AFG1L: variants seen among roughly 807,000 people sequenced by gnomAD.
AFG1L encodes AFG1 like ATPase.
In AFG1L, 53 loss-of-function variants were observed where a neutral mutation model predicts 62.2. The observed-to-expected ratio is 0.85, with a 90% CI of 0.68 to 1.07. The LOEUF (loss-of-function observed/expected upper bound fraction) is 1.07, where lower values mean the gene tolerates loss of function less well. Among genes scored for constraint, AFG1L ranks in the 50% least tolerant of loss-of-function variants. The pLI is 0.00. For missense variants in AFG1L, 555 were observed against 590.5 expected, an observed-to-expected ratio of 0.94 and a Z score of 0.62; for synonymous variants, 228 against 210.3, an observed-to-expected ratio of 1.08 and a Z score of -0.73.
chr6:108,443,948 A>G (rs889130814), intron 7 of AFG1L, among the ~76,000 whole-genome samples: 1 of 152,114 alleles, frequency 6.6e-6, no homozygotes, highest in African/African-American at 2.4e-5. Flanking sequence ...ATGAATTGCC[A>G]TTAAGACAAT....
intron 7 of AFG1L, among the ~76,000 whole-genome samples, chr6:108,420,423 AATATATTTAATATTAAATATATTAAAAC>A (rs1770536962): frequency 6.8e-6 from 1 of 148,132 alleles, no homozygotes; most frequent in Non-Finnish European, 1.5e-5. Flanking sequence ...AAAAAATAAA[AATATATTTAATATTAAATATATTAAAAC>A]ATATATTCCA....
intron 6 of AFG1L, among the ~76,000 whole-genome samples, chr6:108,392,596 G>A (rs1781106120): frequency 6.6e-6 from 1 of 152,052 alleles, no homozygotes; most frequent in South Asian, 2.1e-4. Context: ...ACTATCAAAT[G>A]GGAACATTTA....
chr6:108,374,881 G>A (rs1311836143), intron 6 of AFG1L, among the ~76,000 whole-genome samples: 2 of 152,156 alleles, frequency 1.3e-5, no homozygotes, highest in Non-Finnish European at 2.9e-5. Flanking sequence ...GACATTGGTA[G>A]TTTGATAGGA....
At chr6:108,495,162 T>C (rs1346919215) in intron 10 of AFG1L, among the ~76,000 whole-genome samples, 1 of 152,232 alleles carries the variant, frequency 6.6e-6, no homozygotes, top group Non-Finnish European at 1.5e-5. Flanking sequence ...TTTCAGTTTG[T>C]TTTGAAAAGG....
Position 108,436,041 on chromosome 6 carries a change from T to A in AFG1L, c.808-11173T>A, listed in dbSNP as rs565432736. Among the ~76,000 whole-genome samples the A allele has an allele frequency of 8.5e-5, 13 of 152,358 alleles. 1 individual carries two copies. The South Asian group carries it at 2.7e-3, about 32-fold the overall frequency. The stretch of plus-strand genomic sequence containing the variant: ...CAGGCTTGAAACCCAAATCTGTCTC[T>A]ACAATCTCATTCAGTATAGAAAAAT... On this transcript the variant is annotated intron_variant, in intron 7 of 12. Transcript: ENST00000368977.
intron 6 of AFG1L, among the ~76,000 whole-genome samples, chr6:108,373,294 GT>G (rs1780094503): frequency 6.6e-6 from 1 of 152,042 alleles, no homozygotes; most frequent in Admixed American, 6.6e-5. Context: ...GTGGTATATG[GT>G]TTTTTTGTTC....
At position 108,333,849 on chromosome 6, in the gene AFG1L, T is replaced by A. The variant is rs569615537; in HGVS notation, c.363+9801T>A. ...TATACTTAATGCTTTATTACTTAAATTTGAAATAAATGTCAACATAGAAAG... is the reference window on the plus strand; with the variant it reads ...TATACTTAATGCTTTATTACTTAAAATTGAAATAAATGTCAACATAGAAAG... On this transcript the variant is annotated intron_variant, in intron 2 of 12. Coordinates refer to ENST00000368977, the MANE Select transcript of AFG1L (RefSeq NM_145315.5). 1.4e-4 allele frequency among the ~76,000 whole-genome samples: 22 copies of A among 152,284 alleles called. No homozygotes were observed. In the South Asian group the frequency reaches 3.1e-3, roughly 22 times the overall value.
chr6:108,425,130 G>A (rs1770755409), intron 7 of AFG1L, among the ~76,000 whole-genome samples: 3 of 152,132 alleles, frequency 2.0e-5, no homozygotes, highest in Admixed American at 6.6e-5. Context: ...AACTCTTTTT[G>A]AGGGTGGGCA....
chr6:108,478,343 A>AG (rs1458038675), intron 10 of AFG1L, among the ~76,000 whole-genome samples: 3 of 152,346 alleles, frequency 2.0e-5, no homozygotes, highest in African/African-American at 7.2e-5. Context: ...AGGCTGAGGC[A>AG]GGAGAATGGC....
At chr6:108,459,141 C>T (rs779068074) in intron 8 of AFG1L, among the ~76,000 whole-genome samples, 5 of 152,148 alleles carry the variant, frequency 3.3e-5, no homozygotes, top group East Asian at 1.9e-4. Flanking sequence ...CCCACCTGCC[C>T]GTTTCAAGTA....
chr6:108,390,136 A>G (rs1206812728), intron 6 of AFG1L, among the ~76,000 whole-genome samples: 1 of 152,118 alleles, frequency 6.6e-6, no homozygotes, highest in Non-Finnish European at 1.5e-5. Flanking sequence ...CATCACTGAT[A>G]TCCTTTCTTC....
intron 7 of AFG1L, among the ~76,000 whole-genome samples, chr6:108,430,975 G>A (rs956630308): frequency 1.2e-4 from 19 of 152,096 alleles, no homozygotes; most frequent in Admixed American, 5.2e-4. Context: ...TTACTTGCTC[G>A]GCATCCTGGC....
intron 5 of AFG1L, among the ~76,000 whole-genome samples, chr6:108,365,334 G>A (rs1779711228): frequency 6.6e-6 from 1 of 152,066 alleles, no homozygotes. Flanking sequence ...ACATCATTAA[G>A]CTTACTTCGT....
chr6:108,500,982 T>G (rs770732074), intron 10 of AFG1L, among the ~76,000 whole-genome samples: 2 of 152,180 alleles, frequency 1.3e-5, no homozygotes, highest in Non-Finnish European at 2.9e-5. Flanking sequence ...GCATGTTTTT[T>G]GCCCACTTTG....
chr6:108,382,411 C>T (rs1315492227), intron 6 of AFG1L, among the ~76,000 whole-genome samples: 2 of 152,128 alleles, frequency 1.3e-5, no homozygotes, highest in African/African-American at 4.8e-5. Context: ...CTCAGACCAG[C>T]ATATTCATAC....
chr6:108,489,095 A>G (rs1282617179), intron 10 of AFG1L, among the ~76,000 whole-genome samples: 1 of 152,220 alleles, frequency 6.6e-6, no homozygotes, highest in African/African-American at 2.4e-5. Flanking sequence ...GATACTGGTG[A>G]GTTTCTCATT....
chr6:108,434,658 C>G (rs898110131), intron 7 of AFG1L, among the ~76,000 whole-genome samples: 1 of 152,216 alleles, frequency 6.6e-6, no homozygotes, highest in Non-Finnish European at 1.5e-5. Context: ...CCTGTCACCT[C>G]CCTTCCTAAA....
chr6:108,346,918 G>C (rs1321470153), intron 2 of AFG1L, 70 bp from the exon 3 acceptor site: 1 of 1,177,188 alleles, frequency 8.5e-7, no homozygotes, highest in African/African-American at 1.5e-5. Flanking sequence ...GGACAGTTAG[G>C]AAGACTATGT....
At chr6:108,353,551 C>T (rs1189223729) in intron 3 of AFG1L, among the ~76,000 whole-genome samples, 3 of 151,910 alleles carry the variant, frequency 2.0e-5, no homozygotes, top group African/African-American at 7.3e-5. Context: ...AATTTTTATA[C>T]ATCCTTGCTA....
Sources: gnomAD v4.1 joint callset for allele counts (sites outside exome capture counted in the v4.1 genomes callset) on GRCh38, gnomAD v4.1.1 for gene constraint, MANE v1.5 for transcripts, NCBI Gene and HGNC (gene_info 2026-07-23, HGNC 2026-07-21) for gene names.